PGBD5: variants seen among roughly 807,000 people sequenced by gnomAD.
PGBD5 encodes piggyBac transposable element derived 5.
Under a neutral mutation model 47.9 loss-of-function variants are expected in PGBD5, and 14 were observed. That is an observed-to-expected ratio of 0.29 (90% confidence interval 0.19 to 0.46). The LOEUF (loss-of-function observed/expected upper bound fraction) is 0.46. Among genes scored for constraint, PGBD5 ranks in the 20% least tolerant of loss-of-function variants. PGBD5 has a pLI of 1.00. For missense variants in PGBD5, 635 were observed against 716.0 expected, an observed-to-expected ratio of 0.89 and a Z score of 1.29; for synonymous variants, 316 against 306.3, an observed-to-expected ratio of 1.03 and a Z score of -0.33.
chr1:230,383,173 A>G (rs1033383034), intron 1 of PGBD5, among the ~76,000 whole-genome samples: 4 of 151,812 alleles, frequency 2.6e-5, no homozygotes, highest in Non-Finnish European at 5.9e-5. Context: ...AGGCTCGAGC[A>G]ATCCTCCCAC....
At chr1:230,368,537 C>A (rs374466111) in intron 1 of PGBD5, among the ~76,000 whole-genome samples, 5 of 152,334 alleles carry the variant, frequency 3.3e-5, no homozygotes, top group African/African-American at 1.2e-4. Context: ...GCGCCTCTTG[C>A]GGAGTGAGTG....
At chr1:230,384,707 G>A (rs975022177) in intron 1 of PGBD5, among the ~76,000 whole-genome samples, 3 of 152,190 alleles carry the variant, frequency 2.0e-5, no homozygotes, top group Non-Finnish European at 4.4e-5. Context: ...TGACTCTCAC[G>A]ACACCACGCG....
chr1:230,384,037 T>C (rs1032891873), intron 1 of PGBD5, among the ~76,000 whole-genome samples: 1 of 152,126 alleles, frequency 6.6e-6, no homozygotes, highest in African/African-American at 2.4e-5. Context: ...CCAAGCACAG[T>C]TGAAAAGCCT....
intron 1 of PGBD5, among the ~76,000 whole-genome samples, chr1:230,381,769 G>A (rs1656499484): frequency 6.6e-6 from 1 of 152,094 alleles, no homozygotes; most frequent in Non-Finnish European, 1.5e-5. Flanking sequence ...CAACTCCACA[G>A]CTGGGCATCC....
At chr1:230,361,207 C>T (rs1009471696) in intron 1 of PGBD5, among the ~76,000 whole-genome samples, 3 of 151,992 alleles carry the variant, frequency 2.0e-5, no homozygotes, top group African/African-American at 4.8e-5. Context: ...TCATGTGTTG[C>T]GGGGGATAAC....
chr1:230,355,796 G>A (rs979226605), intron 2 of PGBD5, among the ~76,000 whole-genome samples: 2 of 152,216 alleles, frequency 1.3e-5, no homozygotes, highest in Non-Finnish European at 2.9e-5. Flanking sequence ...CCAAGGGCCA[G>A]AAGGCACGCT....
chr1:230,390,588 GCATCTCC>G (rs2102732201), intron 1 of PGBD5, among the ~76,000 whole-genome samples: 1 of 152,254 alleles, frequency 6.6e-6, no homozygotes, highest in East Asian at 1.9e-4. Flanking sequence ...ATCACATGTA[GCATCTCC>G]AAGCCCTGCC....
At chr1:230,399,063 G>A (rs1002712500) in intron 1 of PGBD5, among the ~76,000 whole-genome samples, 14 of 151,606 alleles carry the variant, frequency 9.2e-5, no homozygotes, top group African/African-American at 3.4e-4. Flanking sequence ...TACTAAGGGG[G>A]GGTGGCTAAG....
At chr1:230,326,609 C>T (rs945806565) in intron 5 of PGBD5, among the ~76,000 whole-genome samples, 46 of 152,104 alleles carry the variant, frequency 3.0e-4, no homozygotes, top group African/African-American at 1.1e-3. Context: ...CAGGTACATG[C>T]CACCATGCCC....
chr1:230,367,958 A>T, intron 1 of PGBD5: 1 of 1,366,154 alleles, frequency 7.3e-7, no homozygotes, highest in Non-Finnish European at 9.8e-7. Context: ...CACACCAAGG[A>T]GCTCAAGGTC....
At chr1:230,406,171 G>A (rs1198881571) in intron 1 of PGBD5, among the ~76,000 whole-genome samples, 1 of 151,978 alleles carries the variant, frequency 6.6e-6, no homozygotes, top group African/African-American at 2.4e-5. Context: ...AGCCGGGCAT[G>A]GTGGCGGGCG....
chr1:230,425,392 G>A lies in PGBD5; in HGVS notation c.331+206C>T, dbSNP rs1480124820. 1.3e-5 allele frequency among the ~76,000 whole-genome samples: 2 copies of A among 152,182 alleles called. No individual in the cohort carries two copies. The highest frequency in any genetic ancestry group is 2.9e-5 in the Non-Finnish European group (2 of 68,014). Reference sequence around the variant, plus strand: ...TGTCACTGGAAAAGTGCTGGCCACGGCCTCCGCCTTACCCTCTCCACCCAC... The same window carrying A: ...TGTCACTGGAAAAGTGCTGGCCACGACCTCCGCCTTACCCTCTCCACCCAC... On this transcript the variant is annotated intron_variant, in intron 1 of 6. Coordinates refer to ENST00000391860, the MANE Select transcript of PGBD5 (RefSeq NM_001258311.2). The surrounding 1 kb of genome is among the most constrained non-coding windows in gnomAD (Gnocchi z 4.7).
At chr1:230,362,515 T>G in intron 1 of PGBD5, 1 of 1,161,186 alleles carries the variant, frequency 8.6e-7, no homozygotes, top group African/African-American at 1.6e-5. Flanking sequence ...AAGCATCACC[T>G]TCTGGGGGAA....
intron 1 of PGBD5, among the ~76,000 whole-genome samples, chr1:230,403,859 CA>C (rs1382531037): frequency 6.6e-6 from 1 of 152,166 alleles, no homozygotes; most frequent in Non-Finnish European, 1.5e-5. Flanking sequence ...AAGAAACAGA[CA>C]CACCCCCAGA....
At chr1:230,337,035 C>G (rs1190279635) in intron 4 of PGBD5, 73 bp downstream of exon 4, 2 of 1,526,696 alleles carry the variant, frequency 1.3e-6, no homozygotes, top group Non-Finnish European at 1.8e-6. Context: ...ATCTGCACCC[C>G]CACCTGGACC....
At chr1:230,389,050 C>T (rs1379362450) in intron 1 of PGBD5, among the ~76,000 whole-genome samples, 3 of 152,354 alleles carry the variant, frequency 2.0e-5, no homozygotes, top group African/African-American at 7.2e-5. Flanking sequence ...CAGACCGCTG[C>T]TGCAAGGAGA....
At chr1:230,423,641 T>C (rs1465125062) in intron 1 of PGBD5, among the ~76,000 whole-genome samples, 1 of 152,106 alleles carries the variant, frequency 6.6e-6, no homozygotes, top group East Asian at 1.9e-4. Context: ...ATCAACCTCA[T>C]CCCTCCATTC....
rs1186517521 is a variant in PGBD5, at chr1:230,323,724, C to T, written c.1380-104G>A. The T allele has an allele frequency of 2.3e-5, 27 of 1,158,496 alleles. No individual in the cohort carries two copies. The highest frequency in any genetic ancestry group is 2.8e-5 in the Non-Finnish European group (23 of 816,564). The allele number at this position is 1,158,496 out of a possible 1,614,324, so 71.8% of individuals were successfully genotyped here. ...CACAGCCCGTGAGACGCTGCAGGTTCGCCCCCGACAGAAGCAGGAGGGCTA... is the reference window on the plus strand; with the variant it reads ...CACAGCCCGTGAGACGCTGCAGGTTTGCCCCCGACAGAAGCAGGAGGGCTA... On this transcript the variant is annotated intron_variant, in intron 6 of 6. Transcript: ENST00000391860. The surrounding 1 kb of genome is among the most constrained non-coding windows in gnomAD (Gnocchi z 4.1).
At chr1:230,377,712 T>C (rs1390178044) in intron 1 of PGBD5, 5 of 1,435,980 alleles carry the variant, frequency 3.5e-6, no homozygotes, top group Admixed American at 6.1e-5. Flanking sequence ...GATTAGAGTA[T>C]CCACCTCAAA....
Sources: allele counts gnomAD v4.1 joint callset (sites outside exome capture counted in the v4.1 genomes callset), GRCh38; gene constraint gnomAD v4.1.1; non-coding constraint Gnocchi (gnomAD v3.1); transcripts MANE v1.5; gene names NCBI Gene and HGNC (gene_info 2026-07-23, HGNC 2026-07-21).